The following MAST2 variants were observed in gnomAD, a reference collection of about 807,000 sequenced individuals.
The protein encoded by MAST2 is microtubule-associated serine/threonine-protein kinase 2.
MAST2 carries 70 observed loss-of-function variants against 147.4 expected under a neutral mutation model. The ratio of observed to expected loss-of-function variants is 0.47; its 90% CI spans 0.39 to 0.58. The LOEUF (loss-of-function observed/expected upper bound fraction) is 0.58, where lower values mean the gene tolerates loss of function less well. MAST2 is among the 20% of genes least tolerant of loss of function. MAST2 has a pLI of 0.00. For missense variants in MAST2, 2,080 were observed against 2,302.3 expected (o/e 0.90, Z 1.98); for synonymous variants, 869 against 896.8 (o/e 0.97, Z 0.55).
At chr1:45,963,024 T>G (rs1312839492) in intron 5 of MAST2, among the ~76,000 whole-genome samples, 1 of 152,174 alleles carries the variant, frequency 6.6e-6, no homozygotes, top group African/African-American at 2.4e-5. Flanking sequence ...ATAGGGAATC[T>G]TTTCCCCATT....
chr1:45,877,391 T>C (rs1646651633), intron 3 of MAST2, among the ~76,000 whole-genome samples: 1 of 152,174 alleles, frequency 6.6e-6, no homozygotes, highest in Non-Finnish European at 1.5e-5. Flanking sequence ...CATGCCTGGC[T>C]TAAAGCCTTA....
intron 5 of MAST2, among the ~76,000 whole-genome samples, chr1:45,959,765 T>C (rs1460075494): frequency 6.6e-6 from 1 of 152,162 alleles, no homozygotes; most frequent in Non-Finnish European, 1.5e-5. Context: ...TGTGTTCTAG[T>C]GTGTTACAGC....
At chr1:45,882,479 G>A (rs1646895216) in intron 4 of MAST2, 84 bp downstream of exon 4, 3 of 1,076,812 alleles carry the variant, frequency 2.8e-6, no homozygotes, top group Non-Finnish European at 4.2e-6. Flanking sequence ...TCATGTGGAG[G>A]AATCCCGCTC....
intron 6 of MAST2, chr1:46,001,004 G>A (rs924519225): frequency 7.8e-7 from 1 of 1,288,940 alleles, no homozygotes; most frequent in East Asian, 5.6e-5. Flanking sequence ...AATGGGGAGA[G>A]GGGCTGGGAA....
In MAST2 at chr1:46,028,797, T is replaced by G. The variant is rs545785967; in HGVS notation, c.2082T>G (p.Pro694=). The G allele has an allele frequency of 1.3e-5, 21 of 1,614,160 alleles. No individual in the cohort carries two copies. In the East Asian group the frequency reaches 4.0e-4, roughly 31 times the overall value. ...QVCGTPEYIA[P]EVILRQGYGK... is the part of the protein sequence containing the mutation. ...GCGGGACCCCAGAATACATTGCGCC[T>G]GAGGTGATCCTGCGCCAGGGCTATG... The change falls in exon 18 of 29, where the codon CCT becomes CCG. Residue 694 remains proline, a synonymous_variant. Transcript: ENST00000361297.
chr1:45,869,365 C>T (rs1646288013), intron 3 of MAST2, among the ~76,000 whole-genome samples: 2 of 152,174 alleles, frequency 1.3e-5, no homozygotes, highest in African/African-American at 4.8e-5. Context: ...CTGTTTGATT[C>T]AGAAATCTTA....
At chr1:46,002,986 C>A (rs748194590) in intron 7 of MAST2, 103 bp downstream of exon 7, 96 of 1,188,244 alleles carry the variant, frequency 8.1e-5, no homozygotes, top group Non-Finnish European at 1.2e-4. Context: ...TCTCCAAAGT[C>A]AAACTCAGAG....
intron 3 of MAST2, among the ~76,000 whole-genome samples, chr1:45,850,556 GT>G (rs35372047): frequency 0.44 from 64,301 of 147,664 alleles, 13,991 homozygotes; most frequent in East Asian, 0.62. Flanking sequence ...TTGTTTGTTT[GT>G]TTTTTCCCTA....
Position 46,035,635 on chromosome 1 carries a change from T to C in MAST2, c.4966T>C (p.Trp1656Arg), listed in dbSNP as rs1646873902. 6.2e-7 allele frequency: 1 copy of C among 1,613,964 alleles called. No individual in the cohort carries two copies. The highest frequency in any genetic ancestry group is 8.5e-7 in the Non-Finnish European group (1 of 1,180,012). Residue 1656 changes from tryptophan to arginine, a missense_variant, in exon 29 of 29, where the codon TGG becomes CGG. Trp to Arg is a moderately radical substitution (Grantham distance 101). Transcript: ENST00000361297. The surrounding 1 kb of genome is among the most constrained non-coding windows in gnomAD (Gnocchi z 5.5). The part of the protein sequence containing the change: ...PSSTSGKLSM[W>R]SWKSLIEGPD... The stretch of plus-strand genomic sequence containing the variant: ...CTCCACCTCTGGGAAGCTGAGCATG[T>C]GGTCCTGGAAATCCCTTATTGAGGG...
intron 5 of MAST2, among the ~76,000 whole-genome samples, chr1:45,972,151 C>G (rs1280755942): frequency 6.6e-6 from 1 of 152,176 alleles, no homozygotes; most frequent in African/African-American, 2.4e-5. Flanking sequence ...GACCTCGGCC[C>G]ACTGCATCTT....
At position 46,034,059 on chromosome 1, in the gene MAST2, C is replaced by A; in HGVS notation, c.3675-14C>A. The A allele has an allele frequency of 6.2e-7, 1 of 1,611,066 alleles. No homozygotes were observed. The highest frequency in any genetic ancestry group is 1.1e-5 in the South Asian group (1 of 90,456). On this transcript the variant is annotated splice_polypyrimidine_tract_variant and intron_variant, in intron 27 of 28. Coordinates refer to ENST00000361297, the MANE Select transcript of MAST2 (RefSeq NM_015112.3). ...TCACTGCACCGACTCAGCCTTTGACCCTTATCCCCGCAGCAGAAAAAGGAG... is the reference window on the plus strand; with the variant it reads ...TCACTGCACCGACTCAGCCTTTGACACTTATCCCCGCAGCAGAAAAAGGAG...
At chr1:45,873,189 A>ATTTTT (rs35141954) in intron 3 of MAST2, among the ~76,000 whole-genome samples, 2 of 143,248 alleles carry the variant, frequency 1.4e-5, no homozygotes, top group African/African-American at 2.6e-5. Context: ...TCTTCTTCCT[A>ATTTTT]TTTTTTTTTT....
chr1:45,900,817 C>T (rs1649644890), intron 4 of MAST2, among the ~76,000 whole-genome samples: 1 of 152,136 alleles, frequency 6.6e-6, no homozygotes, highest in African/African-American at 2.4e-5. Context: ...TCTTTTGTGT[C>T]TGTTCGTTTC....
chr1:45,945,529 T>C (rs1657901652), intron 4 of MAST2, among the ~76,000 whole-genome samples: 1 of 152,250 alleles, frequency 6.6e-6, no homozygotes, highest in African/African-American at 2.4e-5. Flanking sequence ...TTTTCTGCTA[T>C]GGAAATTTGG....
intron 4 of MAST2, among the ~76,000 whole-genome samples, chr1:45,908,004 T>A (rs1651059252): frequency 6.6e-6 from 1 of 152,196 alleles, no homozygotes; most frequent in South Asian, 2.1e-4. Flanking sequence ...TGATAACTCA[T>A]CTTTTATTTC....
chr1:46,014,113 G>C (rs1398837390), intron 10 of MAST2, among the ~76,000 whole-genome samples: 1 of 151,676 alleles, frequency 6.6e-6, no homozygotes. Context: ...AGATATTATT[G>C]GTAATTATAT....
At chr1:45,877,499 C>G (rs2148242564) in intron 3 of MAST2, among the ~76,000 whole-genome samples, 1 of 152,186 alleles carries the variant, frequency 6.6e-6, no homozygotes, top group African/African-American at 2.4e-5. Context: ...ATTTTAAAGT[C>G]CAATGTGAAT....
chr1:46,011,913 TAA>T (rs1645731144), intron 10 of MAST2, among the ~76,000 whole-genome samples: 2 of 152,198 alleles, frequency 1.3e-5, no homozygotes, highest in South Asian at 4.1e-4. Context: ...TTCTCACATA[TAA>T]AAGAGAGCAG....
chr1:45,891,158 C>A (rs868524703), intron 4 of MAST2, among the ~76,000 whole-genome samples: 101 of 152,084 alleles, frequency 6.6e-4, no homozygotes, highest in African/African-American at 2.4e-3. Flanking sequence ...GTCAGTTGCA[C>A]CTTCACTGTA....
Sources: gnomAD v4.1 joint callset for allele counts (sites outside exome capture counted in the v4.1 genomes callset) on GRCh38, gnomAD v4.1.1 for gene constraint, Gnocchi (gnomAD v3.1) non-coding constraint, MANE v1.5 for transcripts, NCBI Gene and HGNC (gene_info 2026-07-23, HGNC 2026-07-21) for gene names.